The following FRMD4A variants were observed in gnomAD, a reference collection of about 807,000 sequenced individuals.
FRMD4A encodes the protein FERM domain-containing protein 4A.
Under a neutral mutation model 129.1 loss-of-function variants are expected in FRMD4A, and 29 were observed. The observed-to-expected ratio is 0.22, with a 90% confidence interval of 0.17 to 0.31. FRMD4A has a LOEUF of 0.31. Ranked by LOEUF, FRMD4A falls within the 10% of genes least tolerant of loss-of-function variation. FRMD4A has a pLI of 1.00. For synonymous variants in FRMD4A, 634 were observed against 571.6 expected (o/e 1.11, Z -1.56); for missense variants, 1,272 against 1,375.8 (o/e 0.92, Z 1.19).
intron 8 of FRMD4A, chr10:13,756,130 A>G (rs967595531): frequency 7.2e-5 from 11 of 152,338 alleles, no homozygotes; most frequent in African/African-American, 2.6e-4. Flanking sequence ...AAACAAAAAT[A>G]TTTCCAGGTC....
At chr10:13,663,163 C>G (rs1040038608) in intron 19 of FRMD4A, among the ~76,000 whole-genome samples, 46 of 150,680 alleles carry the variant, frequency 3.1e-4, no homozygotes, top group Non-Finnish European at 6.0e-4. Context: ...GCACTCCAGC[C>G]TGGGCAATAG....
intron 2 of FRMD4A, among the ~76,000 whole-genome samples, chr10:14,067,851 A>C (rs1935737129): frequency 6.6e-6 from 1 of 152,062 alleles, no homozygotes; most frequent in African/African-American, 2.4e-5. Context: ...AAAACCAAAA[A>C]CACTGTCATG....
chr10:14,111,287 G>A (rs1002805429), intron 2 of FRMD4A, among the ~76,000 whole-genome samples: 1 of 152,120 alleles, frequency 6.6e-6, no homozygotes, highest in Admixed American at 6.5e-5. Context: ...TCCTCCAGGT[G>A]CACAGGCAAT....
chr10:14,087,087 A>T (rs1160187319), intron 2 of FRMD4A, among the ~76,000 whole-genome samples: 2 of 152,088 alleles, frequency 1.3e-5, no homozygotes, highest in Admixed American at 6.5e-5. Flanking sequence ...AATTGGAACC[A>T]GCTGGCTACC....
chr10:14,323,701 CA>C (rs1199096533), intron 2 of FRMD4A, among the ~76,000 whole-genome samples: 1 of 152,188 alleles, frequency 6.6e-6, no homozygotes, highest in East Asian at 1.9e-4. Flanking sequence ...AGTTATCAGC[CA>C]GTTGATTACT....
intron 16 of FRMD4A, among the ~76,000 whole-genome samples, chr10:13,672,139 AAC>A (rs1198376149): frequency 6.6e-6 from 1 of 152,184 alleles, no homozygotes; most frequent in Non-Finnish European, 1.5e-5. Context: ...CATGAGCATA[AAC>A]ACATACTCCG....
chr10:14,039,455 A>T (rs2447019), intron 2 of FRMD4A, among the ~76,000 whole-genome samples: 3,661 of 64,274 alleles, frequency 0.057, 75 homozygotes, highest in Non-Finnish European at 0.08. Flanking sequence ...AAAATCAATC[A>T]ATCTATCTAT....
At chr10:14,277,289 T>G (rs1845375161) in intron 2 of FRMD4A, among the ~76,000 whole-genome samples, 1 of 152,222 alleles carries the variant, frequency 6.6e-6, no homozygotes, top group Non-Finnish European at 1.5e-5. Context: ...TGAGTAATTA[T>G]GTCCCCTCAA....
chr10:13,822,899 C>A (rs2093650161), intron 3 of FRMD4A, among the ~76,000 whole-genome samples: 1 of 152,174 alleles, frequency 6.6e-6, no homozygotes, highest in South Asian at 2.1e-4. Flanking sequence ...TTCTCTCTCT[C>A]CTTCCAAGTG....
chr10:13,786,471 T>C (rs2092866648), intron 5 of FRMD4A, among the ~76,000 whole-genome samples: 1 of 152,170 alleles, frequency 6.6e-6, no homozygotes, highest in Admixed American at 6.6e-5. Flanking sequence ...CCAGGCGTGG[T>C]GGCGGACACC....
chr10:13,704,730 C>T (rs940597091), intron 13 of FRMD4A, among the ~76,000 whole-genome samples: 1 of 152,128 alleles, frequency 6.6e-6, no homozygotes, highest in Non-Finnish European at 1.5e-5. Context: ...AGCTACTTGT[C>T]GTCTAGAGCA....
rs530709672 is a variant in FRMD4A at position 13,988,634 on chromosome 10, G to A, written c.46-129722C>T. On this transcript the variant is annotated intron_variant, in intron 2 of 24. Coordinates refer to ENST00000357447, the MANE Select transcript of FRMD4A (RefSeq NM_018027.5). The stretch of plus-strand genomic sequence containing the variant: ...GATGGGTACATGGATGGATGAATTG[G>A]TGGATAGATACCGATGGATAGATAC... 1.0e-3 allele frequency among the ~76,000 whole-genome samples: 159 copies of A among 152,268 alleles called. 1 individual carries two copies. The highest frequency in any genetic ancestry group is 1.5e-3 in the Non-Finnish European group (101 of 68,028).
intron 2 of FRMD4A, among the ~76,000 whole-genome samples, chr10:14,154,144 T>C (rs1356536013): frequency 6.6e-6 from 1 of 152,192 alleles, no homozygotes; most frequent in Non-Finnish European, 1.5e-5. Flanking sequence ...AGGGAGGTTC[T>C]GTCTTTCTCT....
intron 2 of FRMD4A, among the ~76,000 whole-genome samples, chr10:14,277,574 C>T (rs761064967): frequency 1.3e-5 from 2 of 152,196 alleles, no homozygotes; most frequent in Non-Finnish European, 2.9e-5. Context: ...TGTTAAACCA[C>T]CCAGTTTATG....
chr10:14,089,415 T>C lies in FRMD4A; in HGVS notation c.46-230503A>G, dbSNP rs552760376. ...GAGGACGGGCTGGCCCAAGTCTGCATTGTCACCTGCTCTGGGGAAAACAAA... is the reference window on the plus strand; with the variant it reads ...GAGGACGGGCTGGCCCAAGTCTGCACTGTCACCTGCTCTGGGGAAAACAAA... On this transcript the variant is annotated intron_variant, in intron 2 of 24. Transcript: ENST00000357447. Among the ~76,000 whole-genome samples the C allele has an allele frequency of 7.2e-5, 11 of 151,966 alleles. No homozygotes were observed. In the East Asian group the frequency reaches 1.2e-3, roughly 16 times the overall value.
intron 2 of FRMD4A, among the ~76,000 whole-genome samples, chr10:14,227,037 A>G (rs768987068): frequency 3.3e-5 from 5 of 152,014 alleles, no homozygotes; most frequent in Admixed American, 6.5e-5. Flanking sequence ...CCACACACCC[A>G]GCCTCATGGC....
At chr10:14,062,677 C>T (rs1834869375) in intron 2 of FRMD4A, among the ~76,000 whole-genome samples, 1 of 152,202 alleles carries the variant, frequency 6.6e-6, no homozygotes, top group Non-Finnish European at 1.5e-5. Context: ...GAATTCCCGA[C>T]TTTCAACTGT....
rs533083575 is a variant in FRMD4A at position 14,094,422 on chromosome 10, G to A, written c.46-235510C>T. Reference sequence around the variant, plus strand: ...TAGAATGGAAATGTAATGATGTGCCGCTATCCTGCTATCCTGCTTCCCAAC... The same window carrying A: ...TAGAATGGAAATGTAATGATGTGCCACTATCCTGCTATCCTGCTTCCCAAC... On this transcript the variant is annotated intron_variant, in intron 2 of 24. Coordinates refer to ENST00000357447, the MANE Select transcript of FRMD4A (RefSeq NM_018027.5). 9.8e-5 allele frequency among the ~76,000 whole-genome samples: 15 copies of A among 152,296 alleles called. No individual in the cohort carries two copies. The South Asian group carries it at 2.1e-3, about 21-fold the overall frequency.
At chr10:13,793,116 G>A (rs2093038708) in intron 5 of FRMD4A, among the ~76,000 whole-genome samples, 1 of 151,642 alleles carries the variant, frequency 6.6e-6, no homozygotes, top group Non-Finnish European at 1.5e-5. Flanking sequence ...TCCATTCTCT[G>A]ACTTTCTAAA....
Sources: gnomAD v4.1 joint callset for allele counts (sites outside exome capture counted in the v4.1 genomes callset) on GRCh38, gnomAD v4.1.1 for gene constraint, MANE v1.5 for transcripts, NCBI Gene and HGNC (gene_info 2026-07-23, HGNC 2026-07-21) for gene names.